Variants in UGGT2 observed in about 807,000 individuals in gnomAD.
The protein encoded by UGGT2 is UDP-glucose glycoprotein glucosyltransferase 2, also known as UDP-glucose:glycoprotein glucosyltransferase 2.
UGGT2 carries 180 observed loss-of-function variants against 192.1 expected under a neutral mutation model. The ratio of observed to expected loss-of-function variants is 0.94; its 90% CI spans 0.83 to 1.06. UGGT2 has a LOEUF of 1.06. Ranked by LOEUF, UGGT2 falls within the 50% of genes least tolerant of loss-of-function variation. The pLI is 0.00. For synonymous variants in UGGT2, 580 were observed against 591.0 expected, an observed-to-expected ratio of 0.98 and a Z score of 0.27; for missense variants, 1,849 against 1,795.7, an observed-to-expected ratio of 1.03 and a Z score of -0.54.
intron 20 of UGGT2, among the ~76,000 whole-genome samples, chr13:95,910,427 G>A (rs2048453201): frequency 1.3e-5 from 2 of 152,092 alleles, no homozygotes; most frequent in Non-Finnish European, 2.9e-5. Flanking sequence ...AAAAAGAGCA[G>A]GGGTTGCAAT....
chr13:95,801,605 T>C lies in UGGT2; in HGVS notation c.*185A>G. ...TTTTAAATACTCAATGGTCATTTAT[T>C]ATATAACTTAAACTCATTCAATACA... On this transcript the variant is annotated 3_prime_UTR_variant, in exon 39 of 39. Coordinates refer to ENST00000376747, the MANE Select transcript of UGGT2 (RefSeq NM_020121.4). 2 of 534,422 alleles carry C rather than the reference T, an allele frequency of 3.7e-6. No individual in the cohort carries two copies. Among genetic ancestry groups the C allele is most frequent in the Non-Finnish European group, 6.4e-6 (2 of 313,544 alleles). 33.1% of individuals were successfully genotyped at this position (534,422 alleles called of 1,614,324 possible). A position where few individuals can be genotyped will look rare whatever the true frequency, so the allele number is the denominator to read the frequency against.
chr13:95,855,645 T>C (rs1889533841), intron 34 of UGGT2, among the ~76,000 whole-genome samples: 1 of 151,934 alleles, frequency 6.6e-6, no homozygotes, highest in Admixed American at 6.6e-5. Flanking sequence ...CACCTCAGCC[T>C]CCAAAAGTGC....
At chr13:96,032,871 A>G (rs1235697802) in intron 1 of UGGT2, among the ~76,000 whole-genome samples, 7 of 152,228 alleles carry the variant, frequency 4.6e-5, no homozygotes, top group African/African-American at 1.7e-4. Flanking sequence ...TGATTAATTC[A>G]TCAACATAAA....
intron 10 of UGGT2, among the ~76,000 whole-genome samples, chr13:95,973,372 CTAA>C (rs1233784227): frequency 1.3e-5 from 2 of 152,082 alleles, no homozygotes; most frequent in Non-Finnish European, 2.9e-5. Flanking sequence ...TATTACAGTT[CTAA>C]TGTTACAATA....
chr13:95,887,261 A>G (rs1197554867), intron 26 of UGGT2: 1 of 514,686 alleles, frequency 1.9e-6, no homozygotes, highest in Non-Finnish European at 3.9e-6. Flanking sequence ...ATACTAGTGC[A>G]ATGGTACATA....
intron 38 of UGGT2, among the ~76,000 whole-genome samples, chr13:95,829,726 G>C (rs1449273104): frequency 6.6e-6 from 1 of 152,142 alleles, no homozygotes; most frequent in Non-Finnish European, 1.5e-5. Context: ...AATCAGTATT[G>C]TGAAAATGGC....
intron 27 of UGGT2, among the ~76,000 whole-genome samples, chr13:95,879,832 TATTA>T (rs1293467738): frequency 1.3e-5 from 2 of 152,352 alleles, no homozygotes; most frequent in African/African-American, 4.8e-5. Flanking sequence ...CTGTTTTAAA[TATTA>T]ATTGTTGATA....
chr13:95,964,534 G>A (rs1025008603), intron 12 of UGGT2, among the ~76,000 whole-genome samples: 2 of 152,112 alleles, frequency 1.3e-5, no homozygotes, highest in African/African-American at 4.8e-5. Context: ...TGTTCGATGG[G>A]AGAAAATATT....
Position 95,887,954 on chromosome 13 carries a change from G to T in UGGT2, c.2976C>A (p.Ile992=). 6.2e-7 allele frequency: 1 copy of T among 1,602,082 alleles called. No homozygotes were observed. The highest frequency in any genetic ancestry group is 1.1e-5 in the South Asian group (1 of 88,186). Residue 992 remains isoleucine, a synonymous_variant, in exon 26 of 39, where the codon ATC becomes ATA. Coordinates refer to ENST00000376747, the MANE Select transcript of UGGT2 (RefSeq NM_020121.4). ...TCATGAACAACTTTATCTTCATGTT[G>T]ATAATCTTGCCAAGTACCTATTGGA... The part of the protein sequence containing the change: ...AQLLVVLGKI[I]NMKIKLFMNC...
intron 38 of UGGT2, among the ~76,000 whole-genome samples, chr13:95,803,269 A>T (rs908513500): frequency 6.6e-6 from 1 of 151,610 alleles, no homozygotes; most frequent in Non-Finnish European, 1.5e-5. Flanking sequence ...TTATTTATTT[A>T]TTTTTTTGGA....
At chr13:95,834,742 C>T (rs889209795) in intron 37 of UGGT2, among the ~76,000 whole-genome samples, 3 of 152,102 alleles carry the variant, frequency 2.0e-5, no homozygotes, top group Non-Finnish European at 4.4e-5. Flanking sequence ...AAGTAGCTGT[C>T]CATCCAGGAA....
chr13:96,013,256 A>G, intron 5 of UGGT2, 51 bp downstream of exon 5: 1 of 1,489,320 alleles, frequency 6.7e-7, no homozygotes, highest in Non-Finnish European at 9.0e-7. Context: ...TTATCATAAT[A>G]ATTGTTTTTT....
chr13:95,996,745 G>T (rs1036112549), intron 6 of UGGT2, among the ~76,000 whole-genome samples: 1 of 152,000 alleles, frequency 6.6e-6, no homozygotes, highest in African/African-American at 2.4e-5. Flanking sequence ...ACAAATGCTG[G>T]GTTTAGCTTT....
At chr13:95,829,792 A>T (rs1427592026) in intron 38 of UGGT2, among the ~76,000 whole-genome samples, 3 of 152,168 alleles carry the variant, frequency 2.0e-5, no homozygotes, top group African/African-American at 7.2e-5. Context: ...TAAAGTTCAT[A>T]TGGAACCAAA....
chr13:95,927,818 C>T (rs898484739), intron 17 of UGGT2, among the ~76,000 whole-genome samples: 1 of 152,074 alleles, frequency 6.6e-6, no homozygotes, highest in African/African-American at 2.4e-5. Flanking sequence ...TGCCGCCTTC[C>T]GCAGTGTTTG....
chr13:95,887,604 G>T (rs143610106), intron 26 of UGGT2, among the ~76,000 whole-genome samples: 1 of 152,134 alleles, frequency 6.6e-6, no homozygotes, highest in African/African-American at 2.4e-5. Flanking sequence ...TCCCATTGAT[G>T]TATATCTAAA....
At chr13:95,888,995 AT>A (rs926485551) in intron 25 of UGGT2, among the ~76,000 whole-genome samples, 1 of 151,704 alleles carries the variant, frequency 6.6e-6, no homozygotes, top group Non-Finnish European at 1.5e-5. Flanking sequence ...TTTATTTTTT[AT>A]TTTTTTAGAG....
At chr13:96,007,404 C>A (rs1218785996) in intron 5 of UGGT2, among the ~76,000 whole-genome samples, 1 of 152,064 alleles carries the variant, frequency 6.6e-6, no homozygotes, top group Non-Finnish European at 1.5e-5. Flanking sequence ...GACAAGAATG[C>A]CCCCTTTCAC....
At chr13:95,972,708 GAAC>G (rs751417118) in intron 10 of UGGT2, 37 bp from the exon 11 acceptor site, 2 of 1,471,332 alleles carry the variant, frequency 1.4e-6, no homozygotes, top group East Asian at 2.3e-5. Flanking sequence ...ACCAGTGATA[GAAC>G]AATAGTGACC....
Sources: allele counts gnomAD v4.1 joint callset (sites outside exome capture counted in the v4.1 genomes callset), GRCh38; gene constraint gnomAD v4.1.1; transcripts MANE v1.5; gene names NCBI Gene and HGNC (gene_info 2026-07-23, HGNC 2026-07-21).